Variants in RAB11FIP5 observed in about 807,000 individuals in gnomAD.
The protein encoded by RAB11FIP5 is RAB11 family interacting protein 5, also known as rab11 family-interacting protein 5.
In RAB11FIP5, 48 loss-of-function variants were observed where a neutral mutation model predicts 85.1. The observed-to-expected ratio is 0.56, with a 90% CI of 0.45 to 0.72. The LOEUF (loss-of-function observed/expected upper bound fraction) is 0.72. Ranked by LOEUF, RAB11FIP5 falls within the 30% of genes least tolerant of loss-of-function variation. The pLI, the probability that RAB11FIP5 is intolerant of heterozygous loss-of-function variation, is 0.00. For missense variants in RAB11FIP5, 1,491 were observed against 1,687.0 expected (o/e 0.88, Z 2.04); for synonymous variants, 729 against 727.3 (o/e 1.00, Z -0.04).
rs995130676 is a variant in RAB11FIP5, at chr2:73,078,034, C to A, written c.3581+1617G>T. On this transcript the variant is annotated intron_variant, in intron 4 of 5. Transcript: ENST00000486777. This position sits in a 1 kb window ranked among gnomAD's most constrained non-coding sequence, Gnocchi z 4.4. ...AGTGGCAGAGCACCCATGCTCTGGG[C>A]AGACAGTATGGAGAAAGAATGCATC... Among the ~76,000 whole-genome samples, 3 of 152,218 alleles carry A rather than the reference C, an allele frequency of 2.0e-5. No homozygotes were observed. Among genetic ancestry groups the A allele is most frequent in the African/African-American group, 7.2e-5 (3 of 41,450 alleles).
Position 73,089,559 on chromosome 2 carries a change from C to G in RAB11FIP5, c.432-244G>C. 1.7e-6 allele frequency: 1 copy of G among 582,828 alleles called. No individual in the cohort carries two copies. The highest frequency in any genetic ancestry group is 3.1e-5 in the East Asian group (1 of 32,502). 36.1% of individuals were successfully genotyped at this position (582,828 alleles called of 1,614,324 possible). On this transcript the variant is annotated intron_variant, in intron 1 of 5. Coordinates refer to ENST00000486777, the MANE Select transcript of RAB11FIP5 (RefSeq NM_001371272.1). This position sits in a 1 kb window ranked among gnomAD's most constrained non-coding sequence, Gnocchi z 4.6. ...AGTGGGGAAGCTCCTCGGGTGCCAC[C>G]AGGTAGGGCGGCGGTTACCACACCA...
rs116823279 is a variant in RAB11FIP5, at chr2:73,111,812, T to A, written c.431+535A>T. Among the ~76,000 whole-genome samples, 441 of 152,260 alleles carry A rather than the reference T, an allele frequency of 2.9e-3. 1 individual carries two copies. The highest frequency in any genetic ancestry group is 0.01 in the African/African-American group (420 of 41,562). On this transcript the variant is annotated intron_variant, in intron 1 of 5. Transcript: ENST00000486777. ...CATCTCTAGATAGTGGAGGGCATCT[T>A]GAGAGCAAGAGGCAGATGCCCCCTG...
rs541981758 is a variant in RAB11FIP5 at position 73,081,937 on chromosome 2, C to T, written c.1569-274G>A. ...TCTGATAGGCAGGATCCGATCCAAA[C>T]CTAACCAAGTGTTCTTTCCTCTATC... On this transcript the variant is annotated intron_variant, in intron 3 of 5. Transcript: ENST00000486777. The surrounding 1 kb of genome is among the most constrained non-coding windows in gnomAD (Gnocchi z 4.2). Among the ~76,000 whole-genome samples, 1 of 152,240 alleles carries T rather than the reference C, an allele frequency of 6.6e-6. No homozygotes were observed. The highest frequency in any genetic ancestry group is 2.4e-5 in the African/African-American group (1 of 41,548).
chr2:73,110,710 G>A (rs1180658376), intron 1 of RAB11FIP5, among the ~76,000 whole-genome samples: 1 of 152,178 alleles, frequency 6.6e-6, no homozygotes, highest in East Asian at 1.9e-4. Context: ...GAGGCCAAGA[G>A]GAAAGCAAGG....
At position 73,089,730 on chromosome 2, in the gene RAB11FIP5, CCT is replaced by C; in HGVS notation, c.432-417_432-416del. On this transcript the variant is annotated intron_variant, in intron 1 of 5. Transcript: ENST00000486777. The surrounding 1 kb of genome is among the most constrained non-coding windows in gnomAD (Gnocchi z 4.6). ...ATCTCCAGGCCCCAGCACAGACAGA[CCT>C]ACCCACATTTCTCCCTGTTGACATC... The C allele has an allele frequency of 3.1e-6, 1 of 319,662 alleles. No homozygotes were observed. The highest frequency in any genetic ancestry group is 6.1e-6 in the Non-Finnish European group (1 of 164,934). 19.8% of individuals were successfully genotyped at this position (319,662 alleles called of 1,614,324 possible).
Position 73,073,514 on chromosome 2 carries a change from C to CT in RAB11FIP5, c.*2006dup, listed in dbSNP as rs2106096994. ...TGCTCCCTGCCCAACCCACCTGCAA[C>CT]TTTCCTCCAAGTGTGGCTAGGAGAA... On this transcript the variant is annotated 3_prime_UTR_variant, in exon 6 of 6. Coordinates refer to ENST00000486777, the MANE Select transcript of RAB11FIP5 (RefSeq NM_001371272.1). 1 of 152,794 alleles carries CT rather than the reference C, an allele frequency of 6.5e-6. No individual in the cohort carries two copies. The highest frequency in any genetic ancestry group is 2.4e-5 in the African/African-American group (1 of 41,582). 9.5% of individuals were successfully genotyped at this position (152,794 alleles called of 1,614,324 possible). A position where few individuals can be genotyped will look rare whatever the true frequency, so the allele number is the denominator to read the frequency against.
Position 73,078,480 on chromosome 2 carries a change from G to A in RAB11FIP5, c.3581+1171C>T, listed in dbSNP as rs192584531. The stretch of plus-strand genomic sequence containing the variant: ...ACATCCTCTCCCTCACCTCAAGGGA[G>A]GAGAGTCACCACCACCACCAGGGAG... On this transcript the variant is annotated intron_variant, in intron 4 of 5. Transcript: ENST00000486777. The surrounding 1 kb of genome is among the most constrained non-coding windows in gnomAD (Gnocchi z 4.4). Among the ~76,000 whole-genome samples the A allele has an allele frequency of 9.8e-5, 15 of 152,326 alleles. No individual in the cohort carries two copies. The East Asian group carries it at 1.9e-3, about 20-fold the overall frequency.
At chr2:73,091,264 G>C (rs563350908) in intron 1 of RAB11FIP5, among the ~76,000 whole-genome samples, 1 of 152,320 alleles carries the variant, frequency 6.6e-6, no homozygotes, top group Admixed American at 6.5e-5. Context: ...AACAGCACTG[G>C]AGTCTTCCTT....
intron 3 of RAB11FIP5, chr2:73,084,455 A>C (rs1684056311): frequency 6.6e-6 from 1 of 152,066 alleles, no homozygotes; most frequent in Non-Finnish European, 1.5e-5. Context: ...CCCCACCCCC[A>C]AGCGGTGGGG....
In RAB11FIP5 at chr2:73,102,285, T is replaced by C. The variant is rs184847912; in HGVS notation, c.431+10062A>G. 1.9e-3 allele frequency among the ~76,000 whole-genome samples: 289 copies of C among 152,176 alleles called. 3 individuals carry two copies. The highest frequency in any genetic ancestry group is 6.8e-3 in the Middle Eastern group (2 of 294). On this transcript the variant is annotated intron_variant, in intron 1 of 5. Transcript: ENST00000486777. The stretch of plus-strand genomic sequence containing the variant: ...CAACACAAGGACAGGACTGACACTA[T>C]GCTGCAGGAAGAGGGAGGGACAGCA...
Position 73,112,544 on chromosome 2 carries a change from C to A in RAB11FIP5, c.234G>T (p.Pro78=), listed in dbSNP as rs767201821. The stretch of plus-strand genomic sequence containing the variant: ...GCAGCAGGCCATCCAGGGCCCCCGG[C>A]GGCAGCTCGAAGGAGCACTCCTCAC... ...EWREECSFEL[P]PGALDGLLRA... is the part of the protein sequence containing the mutation. The change falls in exon 1 of 6, where the codon CCG becomes CCT. Residue 78 remains proline, a synonymous_variant. Coordinates refer to ENST00000486777, the MANE Select transcript of RAB11FIP5 (RefSeq NM_001371272.1). The A allele has an allele frequency of 3.9e-6, 6 of 1,542,234 alleles. No homozygotes were observed. The highest frequency in any genetic ancestry group is 2.6e-5 in the East Asian group (1 of 38,640).
In RAB11FIP5 at chr2:73,088,327, C is replaced by A; in HGVS notation, c.1291G>T (p.Gly431Cys). ...GEEEGARLPE[G>C]KPVQVATPIV... is the part of the protein sequence containing the mutation. ...GGTGTGGCAACCTGGACTGGCTTGC[C>A]CTCTGGTAGCCGGGCCCCCTCCTCC... Residue 431 changes from glycine (G) to cysteine (C), a missense_variant, in exon 3 of 6, where the codon GGC becomes TGC. By Grantham distance (159) the Gly-to-Cys change is radical. Around this residue, in one of 3 missense-constraint regions of RAB11FIP5, gnomAD observed 1,211 missense variants for 1,338.0 expected, o/e 0.91. Transcript: ENST00000486777. 1 of 1,613,750 alleles carries A rather than the reference C, an allele frequency of 6.2e-7. No homozygotes were observed. The highest frequency in any genetic ancestry group is 8.5e-7 in the Non-Finnish European group (1 of 1,180,034).
chr2:73,098,684 T>C (rs1305088084), intron 1 of RAB11FIP5, among the ~76,000 whole-genome samples: 1 of 151,962 alleles, frequency 6.6e-6, no homozygotes, highest in Non-Finnish European at 1.5e-5. Flanking sequence ...GGAACCCCCA[T>C]GTCTCTGCCC....
At chr2:73,095,266 A>C (rs924027688) in intron 1 of RAB11FIP5, among the ~76,000 whole-genome samples, 2 of 152,236 alleles carry the variant, frequency 1.3e-5, no homozygotes, top group African/African-American at 4.8e-5. Context: ...TGATGGACAC[A>C]GTAAGAAAAG....
At chr2:73,097,785 C>T (rs1434596441) in intron 1 of RAB11FIP5, among the ~76,000 whole-genome samples, 1 of 152,186 alleles carries the variant, frequency 6.6e-6, no homozygotes, top group Non-Finnish European at 1.5e-5. Flanking sequence ...TCCTCAGCCC[C>T]CAACTGAACT....
At chr2:73,107,716 C>T (rs760783734) in intron 1 of RAB11FIP5, among the ~76,000 whole-genome samples, 2 of 152,180 alleles carry the variant, frequency 1.3e-5, no homozygotes, top group Admixed American at 6.5e-5. Flanking sequence ...CGTGGAGCCT[C>T]GGCATACCAA....
chr2:73,083,925 A>C (rs1227165266), intron 3 of RAB11FIP5, among the ~76,000 whole-genome samples: 1 of 152,334 alleles, frequency 6.6e-6, no homozygotes, highest in South Asian at 2.1e-4. Context: ...GAGTCCCATC[A>C]ACATTAAAAG....
At chr2:73,085,299 A>G (rs1292719825) in intron 3 of RAB11FIP5, among the ~76,000 whole-genome samples, 3 of 152,166 alleles carry the variant, frequency 2.0e-5, no homozygotes, top group Non-Finnish European at 2.9e-5. Flanking sequence ...ACTCATCTCT[A>G]TGTTGTACCA....
Position 73,080,845 on chromosome 2 carries a change from C to G in RAB11FIP5, c.2387G>C (p.Ser796Thr). 6 of 1,232,472 alleles carry G rather than the reference C, an allele frequency of 4.9e-6. No homozygotes were observed. The highest frequency in any genetic ancestry group is 5.1e-6 in the Non-Finnish European group (5 of 988,206). The allele number at this position is 1,232,472 out of a possible 1,614,324, so 76.3% of individuals were successfully genotyped here. The change falls in exon 4 of 6, where the codon AGT (serine) becomes ACT (threonine). Residue 796 changes from serine (S) to threonine (T), a missense_variant. This residue lies in a region of RAB11FIP5 where 1,211 missense variants were observed against 1,338.0 expected (regional missense o/e 0.91). Transcript: ENST00000486777. The stretch of plus-strand genomic sequence containing the variant: ...TGGGCCCGGCAGCCTCTCCCACACA[C>G]TGATCACTTCTGGGGAGCTAAATAG... The part of the protein sequence containing the change: ...TSLFSSPEVI[S>T]VWERLPGPES...
Sources: allele counts gnomAD v4.1 joint callset (sites outside exome capture counted in the v4.1 genomes callset), GRCh38; gene constraint gnomAD v4.1.1; regional missense constraint gnomAD v4.1.1; non-coding constraint Gnocchi (gnomAD v3.1); transcripts MANE v1.5; gene names NCBI Gene and HGNC (gene_info 2026-07-23, HGNC 2026-07-21).